The following FGF19 variants were observed in gnomAD, a reference collection of about 807,000 sequenced individuals.
FGF19 encodes FGF-19.
Under a neutral mutation model 8.9 loss-of-function variants are expected in FGF19, and 5 were observed. The ratio of observed to expected loss-of-function variants is 0.56; its 90% CI spans 0.29 to 1.18. The LOEUF (loss-of-function observed/expected upper bound fraction) is 1.18, where lower values mean the gene tolerates loss of function less well. Ranked by LOEUF, FGF19 falls within the 50% of genes most tolerant of loss-of-function variation. The pLI is 0.08. For synonymous variants in FGF19, 124 were observed against 128.0 expected (o/e 0.97, Z 0.21); for missense variants, 237 against 293.9 (o/e 0.81, Z 1.42).
intron 2 of FGF19, 139 bp from the exon 3 acceptor site, chr11:69,699,715 A>T (rs983396628): frequency 3.3e-6 from 2 of 613,684 alleles, no homozygotes; most frequent in African/African-American, 1.9e-5. Context: ...TGTTTTATAC[A>T]TACTTCCTGA....
Position 69,702,875 on chromosome 11 carries a change from G to A in FGF19, c.336+386C>T, listed in dbSNP as rs575799321. On this transcript the variant is annotated intron_variant, in intron 2 of 2. Transcript: ENST00000294312. The surrounding 1 kb of genome is among the most constrained non-coding windows in gnomAD (Gnocchi z 4.6). ...CATTCTTTTTTTCTTCTTTTATACTGGAGGGAGGGAAACGGAGGCGAGGAC... is the reference window on the plus strand; with the variant it reads ...CATTCTTTTTTTCTTCTTTTATACTAGAGGGAGGGAAACGGAGGCGAGGAC... Among the ~76,000 whole-genome samples, 4 of 152,174 alleles carry A rather than the reference G, an allele frequency of 2.6e-5. No homozygotes were observed. In the East Asian group the frequency reaches 7.7e-4, roughly 29 times the overall value.
chr11:69,703,715 C>T lies in FGF19; in HGVS notation c.162G>A (p.Gly54=), dbSNP rs942913626. 3 of 1,233,438 alleles carry T rather than the reference C, an allele frequency of 2.4e-6. No individual in the cohort carries two copies. The highest frequency in any genetic ancestry group is 3.0e-6 in the Non-Finnish European group (3 of 988,712). The allele number at this position is 1,233,438 out of a possible 1,614,324, so 76.4% of individuals were successfully genotyped here. A position where few individuals can be genotyped will look rare whatever the true frequency, so the allele number is the denominator to read the frequency against. The change falls in exon 1 of 3, where the codon GGG becomes GGA. Residue 54 remains glycine, a synonymous_variant. Coordinates refer to ENST00000294312, the MANE Select transcript of FGF19 (RefSeq NM_005117.3). This position sits in a 1 kb window ranked among gnomAD's most constrained non-coding sequence, Gnocchi z 6.8. ...LRHLYTSGPH[G]LSSCFLRIRA... is the part of the protein sequence containing the mutation. ...GGATGCGCAGGAAGCAGCTGGAGAGCCCGTGGGGGCCGGAGGTGTACAGGT... is the reference window on the plus strand; with the variant it reads ...GGATGCGCAGGAAGCAGCTGGAGAGTCCGTGGGGGCCGGAGGTGTACAGGT...
chr11:69,701,828 C>T (rs1023120674), intron 2 of FGF19, among the ~76,000 whole-genome samples: 1 of 151,140 alleles, frequency 6.6e-6, no homozygotes, highest in Admixed American at 6.6e-5. Context: ...GGTAGCTGGG[C>T]TTGGTGGTGG....
rs928072803 is a variant in FGF19, at chr11:69,703,647, T to C, written c.230A>G (p.His77Arg). The C allele has an allele frequency of 5.7e-6, 7 of 1,231,074 alleles. No individual in the cohort carries two copies. In the Admixed American group the frequency reaches 3.0e-4, roughly 52 times the overall value. 76.3% of individuals were successfully genotyped at this position (1,231,074 alleles called of 1,614,324 possible). Residue 77 changes from histidine (H) to arginine (R), a missense_variant and splice_region_variant, in exon 1 of 3, where the codon CAC becomes CGC. Transcript: ENST00000294312. The surrounding 1 kb of genome is among the most constrained non-coding windows in gnomAD (Gnocchi z 6.8). ...VVDCARGQSA[H>R]SLLEIKAVAL... is the part of the protein sequence containing the mutation. ...CGGGGGTGCTGGCGGGCACTCACTG[T>C]GCGCGCTCTGGCCCCGCGCGCAGTC... is the stretch of plus-strand genomic sequence containing the variant.
In FGF19 at chr11:69,703,669, A is replaced by G. The variant is rs1430853300; in HGVS notation, c.208T>C (p.Cys70Arg). The G allele has an allele frequency of 8.1e-7, 1 of 1,232,054 alleles. No homozygotes were observed. The highest frequency in any genetic ancestry group is 1.6e-5 in the African/African-American group (1 of 64,186). The allele number at this position is 1,232,054 out of a possible 1,614,324, so 76.3% of individuals were successfully genotyped here. A position where few individuals can be genotyped will look rare whatever the true frequency, so the allele number is the denominator to read the frequency against. The change falls in exon 1 of 3, where the codon TGC becomes CGC. Residue 70 changes from cysteine (C) to arginine (R), a missense_variant. Physicochemically the swap from Cys to Arg is radical, Grantham distance 180. Coordinates refer to ENST00000294312, the MANE Select transcript of FGF19 (RefSeq NM_005117.3). This position sits in a 1 kb window ranked among gnomAD's most constrained non-coding sequence, Gnocchi z 6.8. ...CTGTGCGCGCTCTGGCCCCGCGCGCAGTCCACGACGCCGTCGGCACGGATG... is the reference window on the plus strand; with the variant it reads ...CTGTGCGCGCTCTGGCCCCGCGCGCGGTCCACGACGCCGTCGGCACGGATG... ...LRIRADGVVD[C>R]ARGQSAHSLL...
Position 69,698,637 on chromosome 11 carries a change from CAG to C in FGF19, c.*623_*624del, listed in dbSNP as rs1590931217. 2.0e-5 allele frequency: 4 copies of C among 197,592 alleles called. No homozygotes were observed. Among genetic ancestry groups the C allele is most frequent in the South Asian group, 3.8e-4 (2 of 5,214 alleles). The allele number at this position is 197,592 out of a possible 1,614,324, so 12.2% of individuals were successfully genotyped here. ...ACAGCATCCATGACAGAACTGGCCT[CAG>C]GGGGAATTCTCAAGTTGTCCCAGGG... On this transcript the variant is annotated 3_prime_UTR_variant, in exon 3 of 3. Transcript: ENST00000294312.
At chr11:69,699,878 G>A (rs1043236947) in intron 2 of FGF19, among the ~76,000 whole-genome samples, 2 of 152,166 alleles carry the variant, frequency 1.3e-5, no homozygotes, top group African/African-American at 4.8e-5. Flanking sequence ...CCTGAATCCA[G>A]GAGTTTGAGA....
chr11:69,701,965 C>CA (rs59026695), intron 2 of FGF19, among the ~76,000 whole-genome samples: 3,158 of 72,742 alleles, frequency 0.043, 343 homozygotes, highest in African/African-American at 0.058. Context: ...AAGACTCTGC[C>CA]AAAAAAAAAA....
In FGF19 at chr11:69,703,215, G is replaced by A; in HGVS notation, c.336+46C>T. 2 of 1,388,026 alleles carry A rather than the reference G, an allele frequency of 1.4e-6. No homozygotes were observed. Among genetic ancestry groups the A allele is most frequent in the Non-Finnish European group, 2.0e-6 (2 of 1,005,190 alleles). 86.0% of individuals were successfully genotyped at this position (1,388,026 alleles called of 1,614,324 possible). On this transcript the variant is annotated intron_variant, in intron 2 of 2. Coordinates refer to ENST00000294312, the MANE Select transcript of FGF19 (RefSeq NM_005117.3). This position sits in a 1 kb window ranked among gnomAD's most constrained non-coding sequence, Gnocchi z 6.8. The stretch of plus-strand genomic sequence containing the variant: ...CCTTCAGGCCTCCGCCCGGGGACAG[G>A]CGCCGGTCCCCCGCCCCGGCGCATC...
chr11:69,698,994 G>C lies in FGF19; in HGVS notation c.*268C>G. 2.2e-6 allele frequency: 1 copy of C among 464,940 alleles called. No individual in the cohort carries two copies. Among genetic ancestry groups the C allele is most frequent in the Non-Finnish European group, 3.8e-6 (1 of 261,472 alleles). 28.8% of individuals were successfully genotyped at this position (464,940 alleles called of 1,614,324 possible). ...ATTCAAGCAGAACTGAGACAGTGCAGCAGCTTGTCCAGCAACCTCGAGGGA... is the reference window on the plus strand; with the variant it reads ...ATTCAAGCAGAACTGAGACAGTGCACCAGCTTGTCCAGCAACCTCGAGGGA... On this transcript the variant is annotated 3_prime_UTR_variant, in exon 3 of 3. Coordinates refer to ENST00000294312, the MANE Select transcript of FGF19 (RefSeq NM_005117.3).
Position 69,699,282 on chromosome 11 carries a change from T to C in FGF19, c.631A>G (p.Ser211Gly), listed in dbSNP as rs1376090070. ...GLVTGLEAVR[S>G]PSFEK The stretch of plus-strand genomic sequence containing the variant: ...CTCAGTTACTTCTCAAAGCTGGGAC[T>C]CCTCACGGCCTCCAGTCCGGTGACA... The change falls in exon 3 of 3, where the codon AGT becomes GGT. Residue 211 changes from serine to glycine, a missense_variant. Coordinates refer to ENST00000294312, the MANE Select transcript of FGF19 (RefSeq NM_005117.3). The C allele has an allele frequency of 6.2e-7, 1 of 1,611,816 alleles. No individual in the cohort carries two copies. The highest frequency in any genetic ancestry group is 1.1e-5 in the South Asian group (1 of 90,934).
chr11:69,699,183 G>C lies in FGF19; in HGVS notation c.*79C>G, dbSNP rs1446016594. Reference sequence around the variant, plus strand: ...CTAAACAGAACGTGGACTCAGGACTGTTCTTGTAGAAGCACGTCCCCCACG... The same window carrying C: ...CTAAACAGAACGTGGACTCAGGACTCTTCTTGTAGAAGCACGTCCCCCACG... On this transcript the variant is annotated 3_prime_UTR_variant, in exon 3 of 3. Transcript: ENST00000294312. 10 of 1,030,716 alleles carry C rather than the reference G, an allele frequency of 9.7e-6. No individual in the cohort carries two copies. The highest frequency in any genetic ancestry group is 1.4e-5 in the Non-Finnish European group (10 of 704,730). The allele number at this position is 1,030,716 out of a possible 1,614,324, so 63.8% of individuals were successfully genotyped here.
chr11:69,700,344 C>T (rs1288180087), intron 2 of FGF19, among the ~76,000 whole-genome samples: 1 of 152,024 alleles, frequency 6.6e-6, no homozygotes, highest in Non-Finnish European at 1.5e-5. Context: ...TACATATACA[C>T]TCTATATAGA....
chr11:69,701,695 G>A (rs1241302778), intron 2 of FGF19, among the ~76,000 whole-genome samples: 1 of 151,826 alleles, frequency 6.6e-6, no homozygotes, highest in Non-Finnish European at 1.5e-5. Context: ...GGGCGCGGTG[G>A]CTCACACCTC....
intron 2 of FGF19, among the ~76,000 whole-genome samples, chr11:69,700,891 C>T (rs1444988721): frequency 6.6e-6 from 1 of 152,268 alleles, no homozygotes; most frequent in Non-Finnish European, 1.5e-5. Context: ...TGCCATCCCA[C>T]ACCGGTGTCA....
At chr11:69,699,980 G>A (rs1271310929) in intron 2 of FGF19, among the ~76,000 whole-genome samples, 3 of 151,792 alleles carry the variant, frequency 2.0e-5, no homozygotes, top group Non-Finnish European at 2.9e-5. Flanking sequence ...CCAGCTATTC[G>A]GGAGGCTGAG....
Position 69,703,592 on chromosome 11 carries a change from AGCGGGGTGGGGTGCGCGCGGCGGG to A in FGF19, c.232+29_232+52del. 4 of 546,462 alleles carry A rather than the reference AGCGGGGTGGGGTGCGCGCGGCGGG, an allele frequency of 7.3e-6. No homozygotes were observed. Among genetic ancestry groups the A allele is most frequent in the Non-Finnish European group, 8.3e-6 (4 of 484,024 alleles). 33.9% of individuals were successfully genotyped at this position (546,462 alleles called of 1,614,324 possible). On this transcript the variant is annotated intron_variant, in intron 1 of 2. Coordinates refer to ENST00000294312, the MANE Select transcript of FGF19 (RefSeq NM_005117.3). The surrounding 1 kb of genome is among the most constrained non-coding windows in gnomAD (Gnocchi z 6.8). ...AAGGGCGCTGGGGTGGGGCGCGCGC[AGCGGGGTGGGGTGCGCGCGGCGGG>A]GCGGGCGGGGGTGCTGGCGGGCACT... is the stretch of plus-strand genomic sequence containing the variant.
rs1854801117 is a variant in FGF19 at position 69,703,533 on chromosome 11, G to A, written c.232+112C>T. The A allele has an allele frequency of 5.2e-6, 4 of 774,742 alleles. No homozygotes were observed. The East Asian group carries it at 1.3e-4, about 25-fold the overall frequency. 48.0% of individuals were successfully genotyped at this position (774,742 alleles called of 1,614,324 possible). The stretch of plus-strand genomic sequence containing the variant: ...AAACCTGGGGTTCCCAGGAGTTGAG[G>A]GGTCCGCAGGAGCCTAAGGGTGGCA... On this transcript the variant is annotated intron_variant, in intron 1 of 2. Coordinates refer to ENST00000294312, the MANE Select transcript of FGF19 (RefSeq NM_005117.3). The surrounding 1 kb of genome is among the most constrained non-coding windows in gnomAD (Gnocchi z 6.8).
In FGF19 at chr11:69,698,651, A is replaced by G; in HGVS notation, c.*611T>C. On this transcript the variant is annotated 3_prime_UTR_variant, in exon 3 of 3. Coordinates refer to ENST00000294312, the MANE Select transcript of FGF19 (RefSeq NM_005117.3). ...AGAACTGGCCTCAGGGGGAATTCTC[A>G]AGTTGTCCCAGGGCTGGAGTGGGGC... The G allele has an allele frequency of 5.1e-6, 1 of 196,248 alleles. No individual in the cohort carries two copies. The highest frequency in any genetic ancestry group is 1.1e-5 in the Non-Finnish European group (1 of 94,806). The allele number at this position is 196,248 out of a possible 1,614,324, so 12.2% of individuals were successfully genotyped here.
Sources: gnomAD v4.1 joint callset for allele counts (sites outside exome capture counted in the v4.1 genomes callset) on GRCh38, gnomAD v4.1.1 for gene constraint, Gnocchi (gnomAD v3.1) non-coding constraint, MANE v1.5 for transcripts, NCBI Gene and HGNC (gene_info 2026-07-23, HGNC 2026-07-21) for gene names.